Variants in HEATR4 observed in about 807,000 individuals in gnomAD.
HEATR4 encodes HEAT repeat-containing protein 4.
Under a neutral mutation model 108.8 loss-of-function variants are expected in HEATR4, and 95 were observed. That is an observed-to-expected ratio of 0.87 (90% confidence interval 0.74 to 1.04). HEATR4 has a LOEUF of 1.04. Ranked by LOEUF, HEATR4 falls within the 50% of genes least tolerant of loss-of-function variation. The pLI, the probability that HEATR4 is intolerant of heterozygous loss-of-function variation, is 0.00. For missense variants in HEATR4, 1,152 were observed against 1,253.8 expected (o/e 0.92, Z 1.23); for synonymous variants, 443 against 459.4 (o/e 0.96, Z 0.46).
chr14:73,492,868 G>A lies in HEATR4; in HGVS notation c.2844+198C>T, dbSNP rs1885870430. 1 of 1,613,934 alleles carries A rather than the reference G, an allele frequency of 6.2e-7. No homozygotes were observed. The highest frequency in any genetic ancestry group is 8.5e-7 in the Non-Finnish European group (1 of 1,179,866). The stretch of plus-strand genomic sequence containing the variant: ...GGGACCTGCCCTGTGACAGTGTGGA[G>A]GACCAGCTGTCCTTGGCAACCACGT... On this transcript the variant is annotated intron_variant, in intron 17 of 17. Transcript: ENST00000553558. The surrounding 1 kb of genome is among the most constrained non-coding windows in gnomAD (Gnocchi z 4.9).
the HEATR4 span, among the ~76,000 whole-genome samples, chr14:73,631,037 C>A: frequency 6.6e-6 from 1 of 152,126 alleles, no homozygotes; most frequent in Non-Finnish European, 1.5e-5. Context: ...GGCTCTAAAC[C>A]AGAAACTCTT....
the HEATR4 span, among the ~76,000 whole-genome samples, chr14:73,586,805 G>A: frequency 6.6e-6 from 1 of 151,770 alleles, no homozygotes; most frequent in Admixed American, 6.6e-5. Flanking sequence ...TCAAATTTCT[G>A]GGCTCAAGCC....
the HEATR4 span, among the ~76,000 whole-genome samples, chr14:73,615,251 G>T: frequency 8.6e-5 from 13 of 151,416 alleles, no homozygotes; most frequent in Non-Finnish European, 1.5e-5. Context: ...GCCGGGCATG[G>T]TGGCGGGCGC....
chr14:73,614,425 A>G, the HEATR4 span, among the ~76,000 whole-genome samples: 3 of 152,028 alleles, frequency 2.0e-5, no homozygotes, highest in Non-Finnish European at 2.9e-5. Context: ...TTTCGCAAGG[A>G]TATAGTAGGA....
chr14:73,613,038 C>G, the HEATR4 span: 1 of 785,142 alleles, frequency 1.3e-6, no homozygotes, highest in Admixed American at 4.1e-5. Flanking sequence ...GATGAGTAGT[C>G]TGCCCAGAAT....
intron 17 of HEATR4, among the ~76,000 whole-genome samples, chr14:73,480,035 T>C (rs1885184368): frequency 6.6e-6 from 1 of 152,266 alleles, no homozygotes; most frequent in South Asian, 2.1e-4. Flanking sequence ...ATATCTCTTA[T>C]AATATTCTTT....
chr14:73,524,950 A>C (rs1467267876), intron 2 of HEATR4, among the ~76,000 whole-genome samples: 1 of 152,006 alleles, frequency 6.6e-6, no homozygotes, highest in African/African-American at 2.4e-5. Flanking sequence ...GATTTCTCTT[A>C]CTGTCTTCCA....
chr14:73,593,798 C>T, the HEATR4 span: 175 of 1,613,902 alleles, frequency 1.1e-4, 1 homozygote, highest in Non-Finnish European at 1.4e-4. Flanking sequence ...GGCTTTGCCA[C>T]GTTGGCTCTA....
the HEATR4 span, among the ~76,000 whole-genome samples, chr14:73,574,094 C>T: frequency 5.3e-5 from 8 of 151,406 alleles, no homozygotes; most frequent in African/African-American, 1.9e-4. Flanking sequence ...TGGTCTCAAA[C>T]TCCTGACCTC....
Position 73,522,510 on chromosome 14 carries a change from C to T in HEATR4, c.643G>A (p.Ala215Thr). Residue 215 changes from alanine to threonine, a missense_variant, in exon 3 of 18, where the codon GCC (alanine) becomes ACC (threonine). Coordinates refer to ENST00000553558, the MANE Select transcript of HEATR4 (RefSeq NM_001220484.1). ...TVLEKLNERT[A>T]RWIQSKRPRR... The stretch of plus-strand genomic sequence containing the variant: ...GGACGCTTGCTCTGGATCCATCGGG[C>T]TGTGCGCTCGTTCAGCTTTTCCAGC... 6.2e-7 allele frequency: 1 copy of T among 1,614,226 alleles called. No homozygotes were observed. The highest frequency in any genetic ancestry group is 1.7e-5 in the Admixed American group (1 of 60,028).
At chr14:73,576,414 T>C in the HEATR4 span, among the ~76,000 whole-genome samples, 1 of 152,066 alleles carries the variant, frequency 6.6e-6, no homozygotes, top group African/African-American at 2.4e-5. Context: ...TTCCTGTTTA[T>C]ACATATGGAC....
the HEATR4 span, among the ~76,000 whole-genome samples, chr14:73,598,154 A>G: frequency 7.0e-6 from 1 of 143,276 alleles, no homozygotes; most frequent in Admixed American, 7.3e-5. Context: ...TGGGCGGATC[A>G]TGAGGTCAGG....
the HEATR4 span, chr14:73,612,587 A>G: frequency 7.1e-7 from 1 of 1,408,540 alleles, no homozygotes; most frequent in Non-Finnish European, 9.3e-7. Context: ...AGCGACGCTG[A>G]TCCTGGAGCC....
At position 73,551,535 on chromosome 14, in the gene HEATR4, C is replaced by T. The variant is rs1470029377; in HGVS notation, c.-152+7216G>A. ...AAGAGACAAAATGGCAGGCCAGGCG[C>T]GGTGGCTCACGCCTGTAATCCCAAC... is the stretch of plus-strand genomic sequence containing the variant. On this transcript the variant is annotated intron_variant, in intron 1 of 17. Transcript: ENST00000553558. 6.2e-5 allele frequency among the ~76,000 whole-genome samples: 7 copies of T among 113,760 alleles called. 1 individual carries two copies. Among genetic ancestry groups the T allele is most frequent in the Non-Finnish European group, 1.1e-4 (6 of 52,246 alleles). 74.6% of individuals were successfully genotyped at this position (113,760 alleles called of 152,430 possible).
chr14:73,617,711 T>C, the HEATR4 span, among the ~76,000 whole-genome samples: 3 of 148,950 alleles, frequency 2.0e-5, no homozygotes, highest in African/African-American at 7.8e-5. Context: ...TAAAGAGATA[T>C]TTTTTGAGAC....
chr14:73,481,844 C>CA (rs530698682), intron 17 of HEATR4, among the ~76,000 whole-genome samples: 44 of 147,526 alleles, frequency 3.0e-4, no homozygotes, highest in South Asian at 1.3e-3. Context: ...GACTCCATCT[C>CA]AAAAAAAAAT....
intron 17 of HEATR4, among the ~76,000 whole-genome samples, chr14:73,486,168 A>G (rs1430988440): frequency 6.6e-6 from 1 of 152,140 alleles, no homozygotes; most frequent in Non-Finnish European, 1.5e-5. Flanking sequence ...CTCCTTGGTT[A>G]TGGGGTTTCA....
At chr14:73,599,334 T>G in the HEATR4 span, among the ~76,000 whole-genome samples, 3 of 152,162 alleles carry the variant, frequency 2.0e-5, no homozygotes, top group African/African-American at 7.2e-5. Flanking sequence ...TGTGTTTCAG[T>G]TATCTATTGT....
At position 73,511,993 on chromosome 14, in the gene HEATR4, CTTTGGCTCTCACCT is replaced by C; in HGVS notation, c.1557_1558+12del. ...TTGCTTATGTTCTCAAGCAGTTCAGCTTTGGCTCTCACCTGAGTCTCTCTGGCTGGTGGCAATCC... is the reference window on the plus strand; with the variant it reads ...TTGCTTATGTTCTCAAGCAGTTCAGCGAGTCTCTCTGGCTGGTGGCAATCC... On this transcript the variant is annotated splice_donor_variant and splice_donor_5th_base_variant and coding_sequence_variant and intron_variant, in exon 7 of 18. Coordinates refer to ENST00000553558, the MANE Select transcript of HEATR4 (RefSeq NM_001220484.1). LOFTEE classifies it high-confidence loss of function. The C allele has an allele frequency of 1.2e-6, 2 of 1,613,790 alleles. No individual in the cohort carries two copies. The highest frequency in any genetic ancestry group is 1.7e-6 in the Non-Finnish European group (2 of 1,179,872).
Sources: allele counts gnomAD v4.1 joint callset (sites outside exome capture counted in the v4.1 genomes callset), GRCh38; gene constraint gnomAD v4.1.1; non-coding constraint Gnocchi (gnomAD v3.1); transcripts MANE v1.5; gene names NCBI Gene and HGNC (gene_info 2026-07-23, HGNC 2026-07-21).